CMTM4: variants seen among roughly 807,000 people sequenced by gnomAD.
CMTM4 encodes the protein CKLF-like MARVEL transmembrane domain-containing protein 4.
A neutral mutation model predicts 19.0 loss-of-function variants in CMTM4; 8 were observed. That is an observed-to-expected ratio of 0.42 (90% confidence interval 0.25 to 0.76). The LOEUF (loss-of-function observed/expected upper bound fraction) is 0.76, where lower values mean the gene tolerates loss of function less well. Ranked by LOEUF, CMTM4 falls within the 30% of genes least tolerant of loss-of-function variation. CMTM4 has a pLI of 0.27. For synonymous variants in CMTM4, 106 were observed against 121.1 expected, an observed-to-expected ratio of 0.88 and a Z score of 0.82; for missense variants, 228 against 290.2, an observed-to-expected ratio of 0.79 and a Z score of 1.56.
the CMTM4 span, among the ~76,000 whole-genome samples, chr16:66,606,231 T>C: frequency 6.6e-6 from 1 of 151,874 alleles, no homozygotes; most frequent in Non-Finnish European, 1.5e-5. Flanking sequence ...GCCAAGCAAG[T>C]GCAGAGGCTG....
chr16:66,622,251 C>A lies in CMTM4; in HGVS notation c.463-29G>T. 1 of 1,608,852 alleles carries A rather than the reference C, an allele frequency of 6.2e-7. No homozygotes were observed. Among genetic ancestry groups the A allele is most frequent in the Non-Finnish European group, 8.5e-7 (1 of 1,177,652 alleles). On this transcript the variant is annotated intron_variant, in intron 3 of 3. Transcript: ENST00000394106. This position sits in a 1 kb window ranked among gnomAD's most constrained non-coding sequence, Gnocchi z 4.0. ...AAAACACACCAGCACAGTTAGTCCT[C>A]GGGCACGTGGCCTGGCCCCTCAAGG...
At chr16:66,609,929 T>C (rs755700413), downstream of CMTM4, 4 of 1,614,050 alleles carry the variant, frequency 2.5e-6, no homozygotes, top group African/African-American at 1.3e-5. This position sits in a 1 kb window ranked among gnomAD's most constrained non-coding sequence, Gnocchi z 4.4. Context: ...GATTTCTACC[T>C]GATCTTTAAC....
intron 2 of CMTM4, among the ~76,000 whole-genome samples, chr16:66,631,228 C>T (rs1200665726): frequency 6.7e-6 from 1 of 149,104 alleles, no homozygotes; most frequent in South Asian, 2.1e-4. Context: ...GTCAGCCCCC[C>T]GCCCGGCCAG....
At chr16:66,626,286 T>C (rs1485917547) in intron 2 of CMTM4, among the ~76,000 whole-genome samples, 2 of 151,860 alleles carry the variant, frequency 1.3e-5, no homozygotes, top group Non-Finnish European at 1.5e-5. Context: ...AATACAAAAA[T>C]TAGCTGGACC....
intron 1 of CMTM4, among the ~76,000 whole-genome samples, chr16:66,645,460 C>A (rs2016175740): frequency 6.6e-6 from 1 of 151,936 alleles, no homozygotes; most frequent in African/African-American, 2.4e-5. Flanking sequence ...CACATATAAT[C>A]CCAGCTACTC....
intron 2 of CMTM4, among the ~76,000 whole-genome samples, chr16:66,625,100 TTAACAG>T (rs2015709728): frequency 6.6e-6 from 1 of 152,166 alleles, no homozygotes; most frequent in African/African-American, 2.4e-5. Context: ...AGTATCAACA[TTAACAG>T]TGACTACATA....
intron 1 of CMTM4, among the ~76,000 whole-genome samples, chr16:66,675,475 A>AC (rs1362357907): frequency 1.3e-5 from 2 of 151,452 alleles, no homozygotes; most frequent in Non-Finnish European, 1.5e-5. Context: ...AAAAAAAAAA[A>AC]AACCTGCAGG....
Position 66,696,603 on chromosome 16 carries a change from T to TCGTCGC in CMTM4, c.-79_-78insGCGACG, listed in dbSNP as rs1555503519. 9.8e-6 allele frequency: 8 copies of TCGTCGC among 814,824 alleles called. No individual in the cohort carries two copies. The highest frequency in any genetic ancestry group is 1.2e-5 in the Non-Finnish European group (8 of 675,396). 50.5% of individuals were successfully genotyped at this position (814,824 alleles called of 1,614,324 possible). On this transcript the variant is annotated 5_prime_UTR_variant, in exon 1 of 4. Transcript: ENST00000394106. The surrounding 1 kb of genome is among the most constrained non-coding windows in gnomAD (Gnocchi z 4.3). ...GGGCGGACTCAGCGGGGCCGCCGCA[T>TCGTCGC]CGCCGCCGCCGCCGCCGCCGCCGCC...
chr16:66,680,187 C>T (rs1427613449), intron 1 of CMTM4, among the ~76,000 whole-genome samples: 2 of 152,208 alleles, frequency 1.3e-5, no homozygotes, highest in South Asian at 2.1e-4. Flanking sequence ...TATAATAAAT[C>T]ATAACTGCCG....
chr16:66,676,024 T>TA (rs917461942), intron 1 of CMTM4, among the ~76,000 whole-genome samples: 100 of 148,552 alleles, frequency 6.7e-4, no homozygotes, highest in African/African-American at 1.4e-3. Context: ...CATGCCCAGC[T>TA]AAAAAAAAAA....
intron 1 of CMTM4, among the ~76,000 whole-genome samples, chr16:66,655,393 G>C (rs955934963): frequency 4.6e-5 from 7 of 152,002 alleles, no homozygotes; most frequent in African/African-American, 1.7e-4. Flanking sequence ...CCTACTAAAA[G>C]TAACAAGGGT....
At chr16:66,636,622 A>C in intron 1 of CMTM4, 41 bp from the exon 2 acceptor site, 2 of 1,505,838 alleles carry the variant, frequency 1.3e-6, no homozygotes, top group Non-Finnish European at 1.8e-6. Flanking sequence ...GTATATGTTT[A>C]GTATACATCT....
At chr16:66,695,323 G>C (rs1486579547) in intron 1 of CMTM4, among the ~76,000 whole-genome samples, 1 of 152,086 alleles carries the variant, frequency 6.6e-6, no homozygotes, top group Admixed American at 6.6e-5. Flanking sequence ...CTCCACCCTG[G>C]GCGACAGAGA....
intron 1 of CMTM4, among the ~76,000 whole-genome samples, chr16:66,681,656 C>T (rs996405947): frequency 1.3e-5 from 2 of 152,128 alleles, no homozygotes; most frequent in South Asian, 4.2e-4. Flanking sequence ...ATGCATATCT[C>T]AATTCGTACC....
chr16:66,604,867 G>A, the CMTM4 span: 7 of 1,406,964 alleles, frequency 5.0e-6, no homozygotes, highest in Non-Finnish European at 5.5e-6. Flanking sequence ...TCCCGTCCCG[G>A]CCCCGCGGTC....
Position 66,622,417 on chromosome 16 carries a change from G to A in CMTM4, c.463-195C>T, listed in dbSNP as rs900767928. Among the ~76,000 whole-genome samples, 14 of 151,994 alleles carry A rather than the reference G, an allele frequency of 9.2e-5. No individual in the cohort carries two copies. Among genetic ancestry groups the A allele is most frequent in the African/African-American group, 2.4e-4 (10 of 41,366 alleles). ...AAGTCTTGTTTCAAATACATATGAC[G>A]GGGTGGCTCAGAGTCAAAGGGAAGC... On this transcript the variant is annotated intron_variant, in intron 3 of 3. Coordinates refer to ENST00000394106, the MANE Select transcript of CMTM4 (RefSeq NM_181521.3). The surrounding 1 kb of genome is among the most constrained non-coding windows in gnomAD (Gnocchi z 4.0).
At chr16:66,645,936 GCCACTGTACT>G (rs2016187149) in intron 1 of CMTM4, among the ~76,000 whole-genome samples, 1 of 152,088 alleles carries the variant, frequency 6.6e-6, no homozygotes, top group South Asian at 2.1e-4. Flanking sequence ...CTGAGATTGC[GCCACTGTACT>G]CCAGCCTGGG....
chr16:66,635,744 A>G (rs2015980318), intron 2 of CMTM4, among the ~76,000 whole-genome samples: 1 of 152,204 alleles, frequency 6.6e-6, no homozygotes, highest in South Asian at 2.1e-4. Flanking sequence ...TTGTAAATAA[A>G]TATCAAGAAA....
chr16:66,671,161 A>T (rs2016699348), intron 1 of CMTM4, among the ~76,000 whole-genome samples: 1 of 152,216 alleles, frequency 6.6e-6, no homozygotes, highest in African/African-American at 2.4e-5. Context: ...GACGTAAAGC[A>T]GCTTTGTAAG....
Sources: gnomAD v4.1 joint callset for allele counts (sites outside exome capture counted in the v4.1 genomes callset) on GRCh38, gnomAD v4.1.1 for gene constraint, Gnocchi (gnomAD v3.1) non-coding constraint, MANE v1.5 for transcripts, NCBI Gene and HGNC (gene_info 2026-07-23, HGNC 2026-07-21) for gene names.